PXDC1: variants seen among roughly 807,000 people sequenced by gnomAD.
PXDC1 encodes the protein PX domain-containing protein 1.
Under a neutral mutation model 24.4 loss-of-function variants are expected in PXDC1, and 13 were observed. The observed-to-expected ratio is 0.53, with a 90% CI of 0.35 to 0.85. The LOEUF (loss-of-function observed/expected upper bound fraction) is 0.85, where lower values mean the gene tolerates loss of function less well. PXDC1 is among the 40% of genes least tolerant of loss of function. The pLI is 0.01. For synonymous variants in PXDC1, 162 were observed against 124.9 expected (o/e 1.30, Z -1.98); for missense variants, 344 against 309.3 (o/e 1.11, Z -0.84).
At chr6:3,744,393 C>T (rs753781569) in intron 1 of PXDC1, among the ~76,000 whole-genome samples, 84 of 152,330 alleles carry the variant, frequency 5.5e-4, no homozygotes, top group Admixed American at 1.6e-3. Context: ...CAAACACAGA[C>T]CACAGACTGT....
In PXDC1 at chr6:3,725,017, G is replaced by A. The variant is rs991082930; in HGVS notation, c.579-1281C>T. 2.6e-5 allele frequency among the ~76,000 whole-genome samples: 4 copies of A among 152,284 alleles called. No individual in the cohort carries two copies. The highest frequency in any genetic ancestry group is 2.6e-4 in the Admixed American group (4 of 15,306). ...CCTGGCAACACGAGGCTGGGACAGA[G>A]GCCGCGGCACAAAGAGCCCTAGCTG... On this transcript the variant is annotated intron_variant, in intron 4 of 4. Transcript: ENST00000380283. This position sits in a 1 kb window ranked among gnomAD's most constrained non-coding sequence, Gnocchi z 4.8.
At chr6:3,734,379 T>C (rs1760269241) in intron 3 of PXDC1, among the ~76,000 whole-genome samples, 2 of 152,182 alleles carry the variant, frequency 1.3e-5, no homozygotes. Context: ...CTGCTGCTCC[T>C]TGATCTCTGG....
Position 3,738,050 on chromosome 6 carries a change from C to T in PXDC1, c.348+7G>A, listed in dbSNP as rs756747827. On this transcript the variant is annotated splice_region_variant and intron_variant, in intron 2 of 4. Transcript: ENST00000380283. ...CCCTGCCCAGCCCGGGGCCTGGCCACACTCACTTTACAGGGCATGCTTATG... is the reference window on the plus strand; with the variant it reads ...CCCTGCCCAGCCCGGGGCCTGGCCATACTCACTTTACAGGGCATGCTTATG... 1 of 1,613,012 alleles carries T rather than the reference C, an allele frequency of 6.2e-7. No individual in the cohort carries two copies. The highest frequency in any genetic ancestry group is 8.5e-7 in the Non-Finnish European group (1 of 1,179,052).
At chr6:3,730,336 G>A (rs12207455) in intron 3 of PXDC1, among the ~76,000 whole-genome samples, 15,287 of 152,182 alleles carry the variant, frequency 0.1, 1,102 homozygotes, top group African/African-American at 0.2. Context: ...GTTCAGAAAG[G>A]GATGGTTTAT....
chr6:3,726,116 C>T (rs1232726783), intron 4 of PXDC1, among the ~76,000 whole-genome samples: 1 of 152,168 alleles, frequency 6.6e-6, no homozygotes, highest in Non-Finnish European at 1.5e-5. Context: ...CCAAGGGCCT[C>T]TTGGATATAG....
intron 1 of PXDC1, among the ~76,000 whole-genome samples, chr6:3,741,255 T>C (rs920854855): frequency 4.6e-5 from 7 of 152,228 alleles, no homozygotes; most frequent in African/African-American, 1.7e-4. Context: ...CAGAACCACA[T>C]TGCTTCCTTT....
At chr6:3,748,241 T>C (rs1170803640) in intron 1 of PXDC1, among the ~76,000 whole-genome samples, 1 of 152,064 alleles carries the variant, frequency 6.6e-6, no homozygotes, top group African/African-American at 2.4e-5. Flanking sequence ...CGGAACACCT[T>C]GGTAACCCGG....
At chr6:3,730,917 G>A (rs1280399368) in intron 3 of PXDC1, among the ~76,000 whole-genome samples, 4 of 152,234 alleles carry the variant, frequency 2.6e-5, no homozygotes, top group African/African-American at 9.6e-5. Flanking sequence ...ACTTATGCCT[G>A]GAGAGCAGGT....
chr6:3,730,179 T>C (rs978144487), intron 3 of PXDC1, among the ~76,000 whole-genome samples: 2 of 152,154 alleles, frequency 1.3e-5, no homozygotes, highest in Non-Finnish European at 2.9e-5. Context: ...CACATTTCAC[T>C]AAAGATGGTC....
chr6:3,723,773 T>C (rs1280044784), intron 4 of PXDC1, 37 bp from the exon 5 acceptor site: 4 of 1,553,986 alleles, frequency 2.6e-6, no homozygotes, highest in South Asian at 1.1e-5. Flanking sequence ...GGGTGGCTCA[T>C]TGTTGGGATC....
chr6:3,733,806 C>T (rs1262093617), intron 3 of PXDC1, among the ~76,000 whole-genome samples: 2 of 152,180 alleles, frequency 1.3e-5, no homozygotes, highest in African/African-American at 4.8e-5. Context: ...TTACTTCTAC[C>T]CACAGGCCTA....
At position 3,746,957 on chromosome 6, in the gene PXDC1, G is replaced by C. The variant is rs553732688; in HGVS notation, c.256+4319C>G. Among the ~76,000 whole-genome samples, 4 of 152,236 alleles carry C rather than the reference G, an allele frequency of 2.6e-5. No homozygotes were observed. The South Asian group carries it at 8.3e-4, about 32-fold the overall frequency. On this transcript the variant is annotated intron_variant, in intron 1 of 4. Coordinates refer to ENST00000380283, the MANE Select transcript of PXDC1 (RefSeq NM_183373.4). ...CCCAGATGCCAGTCCCCTGGTACTCGGATCTCAAATCTAAGACGACAGTCT... is the reference window on the plus strand; with the variant it reads ...CCCAGATGCCAGTCCCCTGGTACTCCGATCTCAAATCTAAGACGACAGTCT...
At chr6:3,742,558 G>C (rs570797287) in intron 1 of PXDC1, among the ~76,000 whole-genome samples, 1 of 152,310 alleles carries the variant, frequency 6.6e-6, no homozygotes, top group South Asian at 2.1e-4. Context: ...TTTCAGGACT[G>C]ACCAGCAGGG....
In PXDC1 at chr6:3,723,515, A is replaced by G; in HGVS notation, c.*104T>C. ...GTCAGTGGGGCCTGGGACGTCTGGG[A>G]GTTCCAGAGCTGGGGCAGCAGCTGT... On this transcript the variant is annotated 3_prime_UTR_variant, in exon 5 of 5. Transcript: ENST00000380283. 1 of 881,318 alleles carries G rather than the reference A, an allele frequency of 1.1e-6. No homozygotes were observed. The highest frequency in any genetic ancestry group is 1.9e-6 in the Non-Finnish European group (1 of 535,786). 54.6% of individuals were successfully genotyped at this position (881,318 alleles called of 1,614,324 possible). A position where few individuals can be genotyped will look rare whatever the true frequency, so the allele number is the denominator to read the frequency against.
intron 1 of PXDC1, among the ~76,000 whole-genome samples, chr6:3,749,879 G>C (rs1760659677): frequency 6.6e-6 from 1 of 152,188 alleles, no homozygotes; most frequent in Non-Finnish European, 1.5e-5. Context: ...TTCCAGGAAA[G>C]GTCATTGAAT....
At chr6:3,730,526 A>G (rs556717674) in intron 3 of PXDC1, among the ~76,000 whole-genome samples, 41 of 152,324 alleles carry the variant, frequency 2.7e-4, no homozygotes, top group Middle Eastern at 3.4e-3. Flanking sequence ...AAAAAAAAAA[A>G]AAGAAGAAAA....
intron 1 of PXDC1, among the ~76,000 whole-genome samples, chr6:3,749,715 G>A (rs937472717): frequency 1.3e-5 from 2 of 152,148 alleles, no homozygotes; most frequent in Middle Eastern, 3.4e-3. Flanking sequence ...CCTCTACCAT[G>A]CCTTTCAGTC....
At chr6:3,726,637 T>G (rs1224383721) in intron 4 of PXDC1, among the ~76,000 whole-genome samples, 1 of 152,228 alleles carries the variant, frequency 6.6e-6, no homozygotes, top group Non-Finnish European at 1.5e-5. Flanking sequence ...GTCACAGCCC[T>G]GCCGCCCACA....
At chr6:3,749,857 A>G (rs1581254560) in intron 1 of PXDC1, among the ~76,000 whole-genome samples, 1 of 152,174 alleles carries the variant, frequency 6.6e-6, no homozygotes, top group South Asian at 2.1e-4. Context: ...ACTCCAGTGT[A>G]TTTAAGCCTC....
Sources: gnomAD v4.1 joint callset for allele counts (sites outside exome capture counted in the v4.1 genomes callset) on GRCh38, gnomAD v4.1.1 for gene constraint, Gnocchi (gnomAD v3.1) non-coding constraint, MANE v1.5 for transcripts, NCBI Gene and HGNC (gene_info 2026-07-23, HGNC 2026-07-21) for gene names.